Variants in STARD9 observed in about 807,000 individuals in gnomAD.
The protein encoded by STARD9 is stAR-related lipid transfer protein 9.
Under a neutral mutation model 399.8 loss-of-function variants are expected in STARD9, and 346 were observed. The observed-to-expected ratio is 0.87, with a 90% CI of 0.79 to 0.95. STARD9 has a LOEUF of 0.95. STARD9 is among the 40% of genes least tolerant of loss of function. The probability of loss-of-function intolerance (pLI) is 0.00; values close to 1 mark genes in which losing one functional copy is unlikely to be tolerated. For missense variants in STARD9, 5,832 were observed against 5,667.5 expected (o/e 1.03, Z -0.93); for synonymous variants, 2,203 against 2,143.5 (o/e 1.03, Z -0.77).
At chr15:42,630,460 A>G (rs1046079081) in intron 3 of STARD9, among the ~76,000 whole-genome samples, 1 of 152,118 alleles carries the variant, frequency 6.6e-6, no homozygotes, top group Non-Finnish European at 1.5e-5. Context: ...TTAAAAGATG[A>G]GTTTGCAAGT....
chr15:42,660,375 G>C (rs1301339188), intron 9 of STARD9, among the ~76,000 whole-genome samples: 2 of 152,044 alleles, frequency 1.3e-5, no homozygotes, highest in African/African-American at 4.8e-5. Context: ...GACCAGCCTG[G>C]CCAACATGGT....
At chr15:42,663,630 C>G (rs1170366059) in intron 12 of STARD9, 140 bp downstream of exon 12, 2 of 615,504 alleles carry the variant, frequency 3.2e-6, no homozygotes, top group Admixed American at 5.9e-5. Flanking sequence ...GGCCATGGCC[C>G]CAGTGAGTGG....
chr15:42,612,852 C>T (rs925654077), intron 3 of STARD9, among the ~76,000 whole-genome samples: 12 of 152,028 alleles, frequency 7.9e-5, no homozygotes, highest in African/African-American at 2.9e-4. Context: ...GGTGTGGTTG[C>T]ACATGCCTGT....
chr15:42,686,809 T>C lies in STARD9; in HGVS notation c.5231T>C (p.Leu1744Ser). 1 of 1,537,192 alleles carries C rather than the reference T, an allele frequency of 6.5e-7. No individual in the cohort carries two copies. The highest frequency in any genetic ancestry group is 8.7e-7 in the Non-Finnish European group (1 of 1,146,924). Residue 1744 changes from leucine (L) to serine (S), a missense_variant, in exon 23 of 33, where the codon TTG becomes TCG. Around this residue, in one of 2 missense-constraint regions of STARD9, gnomAD observed 5,828 missense variants for 5,651.1 expected, o/e 1.03. Coordinates refer to ENST00000290607, the MANE Select transcript of STARD9 (RefSeq NM_020759.3). ...TCATCTTCCCTGCAGCCCCCACTCT[T>C]GGAAACATTCTATGTGACCAAAAGC... ...PLSSSLQPPLLETFYVTKSRD... is the reference protein window; with the variant it reads ...PLSSSLQPPLSETFYVTKSRD...
At position 42,631,896 on chromosome 15, in the gene STARD9, GAGA is replaced by G. The variant is rs1236307535; in HGVS notation, c.235-2955_235-2953del. Among the ~76,000 whole-genome samples, 48 of 152,236 alleles carry G rather than the reference GAGA, an allele frequency of 3.2e-4. No homozygotes were observed. The Middle Eastern group carries it at 0.01, about 32-fold the overall frequency. ...TCTTGAGAATGATCCATGTGCTGAG[GAGA>G]AGAATGTGTATTCTGCAGCCATTGG... On this transcript the variant is annotated intron_variant, in intron 3 of 32. Coordinates refer to ENST00000290607, the MANE Select transcript of STARD9 (RefSeq NM_020759.3).
At position 42,691,054 on chromosome 15, in the gene STARD9, C is replaced by T. The variant is rs1481362175; in HGVS notation, c.9476C>T (p.Pro3159Leu). The change falls in exon 23 of 33, where the codon CCA becomes CTA. Residue 3159 changes from proline to leucine, a missense_variant. Around this residue, in one of 2 missense-constraint regions of STARD9, gnomAD observed 5,828 missense variants for 5,651.1 expected, o/e 1.03. Transcript: ENST00000290607. Reference sequence around the variant, plus strand: ...GCTGAGAGCAAGTTGGTGGTAGAGCCACAGCATGAATGTTTAGAAAATACC... The same window carrying T: ...GCTGAGAGCAAGTTGGTGGTAGAGCTACAGCATGAATGTTTAGAAAATACC... ...GSAESKLVVE[P>L]QHECLENTTR... 2.0e-6 allele frequency: 3 copies of T among 1,537,054 alleles called. No homozygotes were observed. Among genetic ancestry groups the T allele is most frequent in the Non-Finnish European group, 1.7e-6 (2 of 1,146,894 alleles).
intron 26 of STARD9, among the ~76,000 whole-genome samples, chr15:42,697,494 G>C (rs896881834): frequency 6.6e-6 from 1 of 151,960 alleles, no homozygotes; most frequent in Non-Finnish European, 1.5e-5. Flanking sequence ...TCATATAGTA[G>C]AAAGGGCACA....
At position 42,593,309 on chromosome 15, in the gene STARD9, C is replaced by T. The variant is rs573040661; in HGVS notation, c.234+7672C>T. On this transcript the variant is annotated intron_variant, in intron 3 of 32. Coordinates refer to ENST00000290607, the MANE Select transcript of STARD9 (RefSeq NM_020759.3). Reference sequence around the variant, plus strand: ...CTGTTGGCGCAGGAATCCTCTGCTCCGGCGTATTGTGTTTGGGTGACTGTG... The same window carrying T: ...CTGTTGGCGCAGGAATCCTCTGCTCTGGCGTATTGTGTTTGGGTGACTGTG... Among the ~76,000 whole-genome samples, 6 of 151,976 alleles carry T rather than the reference C, an allele frequency of 3.9e-5. No homozygotes were observed. The South Asian group carries it at 6.2e-4, about 16-fold the overall frequency.
intron 26 of STARD9, among the ~76,000 whole-genome samples, chr15:42,713,480 G>A (rs1436932639): frequency 6.6e-6 from 1 of 152,168 alleles, no homozygotes; most frequent in East Asian, 1.9e-4. Context: ...CCTGATTTGA[G>A]GAGGAAGGTA....
chr15:42,635,479 G>A (rs1442159534), intron 4 of STARD9, among the ~76,000 whole-genome samples: 2 of 151,822 alleles, frequency 1.3e-5, no homozygotes, highest in Admixed American at 6.6e-5. Flanking sequence ...ACAGGCACCC[G>A]CCACCACGCT....
chr15:42,654,487 A>G (rs1241448119), intron 9 of STARD9, among the ~76,000 whole-genome samples: 2 of 152,220 alleles, frequency 1.3e-5, no homozygotes, highest in Non-Finnish European at 2.9e-5. Context: ...GAGGAAGTCA[A>G]ACTGTTGCTG....
At chr15:42,696,352 T>C (rs1445234196) in intron 26 of STARD9, among the ~76,000 whole-genome samples, 1 of 152,142 alleles carries the variant, frequency 6.6e-6, no homozygotes, top group Non-Finnish European at 1.5e-5. Context: ...GGTGCTGTTA[T>C]TGGGAGAGAT....
intron 9 of STARD9, among the ~76,000 whole-genome samples, chr15:42,659,075 T>G (rs1342415832): frequency 1.3e-5 from 2 of 152,020 alleles, no homozygotes; most frequent in East Asian, 3.9e-4. Flanking sequence ...ATCGTGCCAC[T>G]GCACTTCAGC....
intron 3 of STARD9, among the ~76,000 whole-genome samples, chr15:42,631,352 TG>T (rs2059328191): frequency 6.6e-6 from 1 of 152,088 alleles, no homozygotes; most frequent in African/African-American, 2.4e-5. Flanking sequence ...GACGCCAAGT[TG>T]GGCAGACTGC....
At chr15:42,711,355 G>A (rs2061219382) in intron 26 of STARD9, among the ~76,000 whole-genome samples, 1 of 152,008 alleles carries the variant, frequency 6.6e-6, no homozygotes, top group South Asian at 2.1e-4. Context: ...TGGCCAGGCT[G>A]GTCTCCAACT....
At chr15:42,669,415 C>T in intron 16 of STARD9, 78 bp downstream of exon 16, 10 of 1,280,398 alleles carry the variant, frequency 7.8e-6, no homozygotes, top group South Asian at 7.7e-5. Context: ...GGAGCAGCAG[C>T]CATGTTACTG....
chr15:42,710,180 C>T (rs990699309), intron 26 of STARD9, among the ~76,000 whole-genome samples: 2 of 150,296 alleles, frequency 1.3e-5, no homozygotes, highest in Admixed American at 1.3e-4. Context: ...CCCACCTCAG[C>T]CTCCTGAGTA....
At position 42,689,070 on chromosome 15, in the gene STARD9, A is replaced by G; in HGVS notation, c.7492A>G (p.Ser2498Gly). The change falls in exon 23 of 33, where the codon AGT (serine) becomes GGT (glycine). Residue 2498 changes from serine to glycine, a missense_variant. Ser to Gly is a moderately conservative substitution (Grantham distance 56). Around this residue, in one of 2 missense-constraint regions of STARD9, gnomAD observed 5,828 missense variants for 5,651.1 expected, o/e 1.03. Transcript: ENST00000290607. Reference protein sequence around the residue: ...KRVSFSLEEDSDQASKPRQKA... With the variant: ...KRVSFSLEEDGDQASKPRQKA... The stretch of plus-strand genomic sequence containing the variant: ...GGTCAGCTTCTCCTTGGAAGAGGAT[A>G]GTGACCAAGCCAGCAAGCCAAGGCA... The G allele has an allele frequency of 6.5e-7, 1 of 1,537,294 alleles. No homozygotes were observed. The highest frequency in any genetic ancestry group is 8.7e-7 in the Non-Finnish European group (1 of 1,146,924).
chr15:42,711,049 C>T (rs921884363), intron 26 of STARD9, among the ~76,000 whole-genome samples: 15 of 151,800 alleles, frequency 9.9e-5, no homozygotes, highest in African/African-American at 3.4e-4. Context: ...GCAATCACAG[C>T]TCATTCTTAC....
Sources: gnomAD v4.1 joint callset for allele counts (sites outside exome capture counted in the v4.1 genomes callset) on GRCh38, gnomAD v4.1.1 for gene constraint, gnomAD v4.1.1 regional missense constraint, MANE v1.5 for transcripts, NCBI Gene and HGNC (gene_info 2026-07-23, HGNC 2026-07-21) for gene names.